Variants in HTR4 observed in about 807,000 individuals in gnomAD.
HTR4 encodes the protein 5-hydroxytryptamine receptor 4, also known as 5-hydroxytryptamine (serotonin) receptor 4, G protein-coupled.
HTR4 carries 16 observed loss-of-function variants against 36.8 expected under a neutral mutation model. The observed-to-expected ratio is 0.43, with a 90% CI of 0.29 to 0.66. The LOEUF (loss-of-function observed/expected upper bound fraction) is 0.66, where lower values mean the gene tolerates loss of function less well. HTR4 is among the 30% of genes least tolerant of loss of function. The pLI is 0.13. For synonymous variants in HTR4, 189 were observed against 185.1 expected, an observed-to-expected ratio of 1.02 and a Z score of -0.17; for missense variants, 438 against 490.9, an observed-to-expected ratio of 0.89 and a Z score of 1.02.
At chr5:148,595,946 A>C (rs1478176675) in intron 2 of HTR4, among the ~76,000 whole-genome samples, 2 of 152,208 alleles carry the variant, frequency 1.3e-5, no homozygotes, top group African/African-American at 4.8e-5. Context: ...CTTAGTTAAA[A>C]GTATCGTACA....
intron 6 of HTR4, chr5:148,484,466 A>T: frequency 7.7e-7 from 1 of 1,293,240 alleles, no homozygotes; most frequent in Admixed American, 2.1e-5. Flanking sequence ...GTTTCTGGAG[A>T]TTAGCTTTAG....
At chr5:148,640,342 C>A (rs1353320010) in intron 1 of HTR4, among the ~76,000 whole-genome samples, 2 of 152,192 alleles carry the variant, frequency 1.3e-5, no homozygotes, top group Non-Finnish European at 2.9e-5. Context: ...AACACATAAG[C>A]AGGGCTGGTC....
intron 5 of HTR4, among the ~76,000 whole-genome samples, chr5:148,460,125 A>G (rs1755233160): frequency 6.6e-6 from 1 of 152,028 alleles, no homozygotes; most frequent in South Asian, 2.1e-4. Context: ...GAAAAAAAAT[A>G]CAGAGCACAG....
rs948113041 is a variant in HTR4 at position 148,573,106 on chromosome 5, TTCTAAAGAGTGTGGCTGGATCCTAG to T, written c.27-22869_27-22845del. Among the ~76,000 whole-genome samples the T allele has an allele frequency of 9.9e-5, 15 of 152,182 alleles. No homozygotes were observed. The East Asian group carries it at 2.9e-3, about 30-fold the overall frequency. The stretch of plus-strand genomic sequence containing the variant: ...CCAATCTCTGAACACTGTCATGCAG[TTCTAAAGAGTGTGGCTGGATCCTAG>T]TCAGGGAAGATACTGGAAGGTAGAG... On this transcript the variant is annotated intron_variant, in intron 2 of 6. Coordinates refer to ENST00000377888, the MANE Select transcript of HTR4 (RefSeq NM_000870.7).
intron 4 of HTR4, among the ~76,000 whole-genome samples, chr5:148,538,150 A>G (rs532287549): frequency 6.6e-6 from 1 of 152,290 alleles, no homozygotes; most frequent in South Asian, 2.1e-4. Context: ...TCTCAATAGA[A>G]GCAGAAAAAG....
intron 6 of HTR4, among the ~76,000 whole-genome samples, chr5:148,507,737 TG>T (rs1757295090): frequency 1.3e-5 from 2 of 152,136 alleles, no homozygotes. Context: ...TGGGCTGCCC[TG>T]GAAACTCCCA....
chr5:148,529,593 G>A (rs1003648391), intron 4 of HTR4, among the ~76,000 whole-genome samples: 1 of 152,194 alleles, frequency 6.6e-6, no homozygotes, highest in Non-Finnish European at 1.5e-5. Context: ...GCCCAGTCTT[G>A]GGTATGTCTT....
chr5:148,474,739 C>T (rs1039526580), downstream of HTR4, among the ~76,000 whole-genome samples: 7 of 152,138 alleles, frequency 4.6e-5, no homozygotes, highest in African/African-American at 1.7e-4. Context: ...GGATTCTCAA[C>T]ATAGACAGAT....
At chr5:148,491,888 C>T (rs1756463315) in intron 6 of HTR4, among the ~76,000 whole-genome samples, 1 of 152,168 alleles carries the variant, frequency 6.6e-6, no homozygotes, top group Non-Finnish European at 1.5e-5. Flanking sequence ...CGCACTCAAG[C>T]TCCTAAAATA....
chr5:148,624,682 C>T (rs371776609), intron 2 of HTR4, among the ~76,000 whole-genome samples: 1 of 152,132 alleles, frequency 6.6e-6, no homozygotes, highest in African/African-American at 2.4e-5. Flanking sequence ...CTCCAAATCC[C>T]GTAGCCTCAG....
chr5:148,625,564 T>C (rs984347528), intron 2 of HTR4, among the ~76,000 whole-genome samples: 1 of 152,056 alleles, frequency 6.6e-6, no homozygotes, highest in African/African-American at 2.4e-5. Flanking sequence ...AAAGTTCTTT[T>C]TGTTTGTTTG....
At chr5:148,589,023 G>C (rs1304844805) in intron 2 of HTR4, among the ~76,000 whole-genome samples, 1 of 152,002 alleles carries the variant, frequency 6.6e-6, no homozygotes, top group African/African-American at 2.4e-5. Flanking sequence ...ATTGTCTATA[G>C]TATATGTATA....
intron 2 of HTR4, among the ~76,000 whole-genome samples, chr5:148,563,936 A>C (rs59110781): frequency 0.13 from 19,077 of 152,074 alleles, 1,374 homozygotes; most frequent in East Asian, 0.25. Flanking sequence ...GACTGACTGA[A>C]TGAATGAATG....
chr5:148,523,200 A>G lies in HTR4; in HGVS notation c.500T>C (p.Ile167Thr). The G allele has an allele frequency of 6.2e-7, 1 of 1,613,408 alleles. No individual in the cohort carries two copies. The highest frequency in any genetic ancestry group is 1.1e-5 in the South Asian group (1 of 90,916). ...IMQGWNNIGI[I>T]DLIEKRKFNQ... is the part of the protein sequence containing the mutation. ...GTCTGTGTGGATACTCACCAAATCA[A>G]TTATGCCAATGTTATTCCAGCCTTG... The change falls in exon 5 of 7, where the codon ATT becomes ACT. Residue 167 changes from isoleucine (I) to threonine (T), a missense_variant. Ile to Thr is a moderately conservative substitution (Grantham distance 89). Coordinates refer to ENST00000377888, the MANE Select transcript of HTR4 (RefSeq NM_000870.7).
At chr5:148,606,062 A>C (rs6868544) in intron 2 of HTR4, among the ~76,000 whole-genome samples, 29,438 of 152,110 alleles carry the variant, frequency 0.19, 4,033 homozygotes, top group African/African-American at 0.38. Flanking sequence ...ATATATATGG[A>C]ATTTTAAAAA....
chr5:148,505,584 T>C lies in HTR4; in HGVS notation c.1076+3872A>G, dbSNP rs1757155943. Among the ~76,000 whole-genome samples the C allele has an allele frequency of 2.0e-5, 3 of 152,164 alleles. 1 individual carries two copies. The South Asian group carries it at 6.2e-4, about 32-fold the overall frequency. Reference sequence around the variant, plus strand: ...ATTAGGAAAAGAGGAAGTCAAATTGTCCCTGTTTGCAGATGACATGACTGT... The same window carrying C: ...ATTAGGAAAAGAGGAAGTCAAATTGCCCCTGTTTGCAGATGACATGACTGT... On this transcript the variant is annotated intron_variant, in intron 6 of 6. Coordinates refer to ENST00000377888, the MANE Select transcript of HTR4 (RefSeq NM_000870.7).
chr5:148,556,691 C>A (rs571102696), intron 2 of HTR4, among the ~76,000 whole-genome samples: 163 of 152,250 alleles, frequency 1.1e-3, no homozygotes, highest in African/African-American at 3.8e-3. Flanking sequence ...CTTGATAAAA[C>A]GCAGATTCTG....
intron 4 of HTR4, among the ~76,000 whole-genome samples, chr5:148,538,474 C>T (rs1758940382): frequency 6.6e-6 from 1 of 152,060 alleles, no homozygotes; most frequent in East Asian, 1.9e-4. Context: ...ATCTAGAAAA[C>T]CCCATAGTAT....
chr5:148,485,073 G>A (rs1419025401), intron 6 of HTR4, among the ~76,000 whole-genome samples: 1 of 151,962 alleles, frequency 6.6e-6, no homozygotes, highest in Admixed American at 6.6e-5. Flanking sequence ...GAGGGAGAGA[G>A]GGAAGAAAGA....
Sources: allele counts gnomAD v4.1 joint callset (sites outside exome capture counted in the v4.1 genomes callset), GRCh38; gene constraint gnomAD v4.1.1; transcripts MANE v1.5; gene names NCBI Gene and HGNC (gene_info 2026-07-23, HGNC 2026-07-21).